TRERF1: variants seen among roughly 807,000 people sequenced by gnomAD.
The protein encoded by TRERF1 is transcriptional-regulating factor 1.
Under a neutral mutation model 122.9 loss-of-function variants are expected in TRERF1, and 27 were observed. The ratio of observed to expected loss-of-function variants is 0.22; its 90% CI spans 0.16 to 0.30. TRERF1 has a LOEUF of 0.30. Ranked by LOEUF, TRERF1 falls within the 10% of genes least tolerant of loss-of-function variation. TRERF1 has a pLI of 1.00. For missense variants in TRERF1, 1,248 were observed against 1,560.3 expected, an observed-to-expected ratio of 0.80 and a Z score of 3.37; for synonymous variants, 636 against 641.7, an observed-to-expected ratio of 0.99 and a Z score of 0.13.
Position 42,271,350 on chromosome 6 carries a change from G to A in TRERF1, c.-258-1502C>T, listed in dbSNP as rs111300230. 4.0e-3 allele frequency among the ~76,000 whole-genome samples: 609 copies of A among 152,156 alleles called. 4 individuals carry two copies. Among genetic ancestry groups the A allele is most frequent in the African/African-American group, 0.014 (575 of 41,510 alleles). ...AACTTCTCATGTACTACACCAGGGA[G>A]AACGAAAAATGGAAACACAATAAAT... On this transcript the variant is annotated intron_variant, in intron 4 of 17. Coordinates refer to ENST00000372922, the Ensembl canonical transcript of TRERF1.
chr6:42,283,111 A>G (rs9381164), intron 4 of TRERF1, among the ~76,000 whole-genome samples: 2 of 152,330 alleles, frequency 1.3e-5, no homozygotes, highest in Non-Finnish European at 2.9e-5. Flanking sequence ...GCCATTTCAA[A>G]CAGTGAAATC....
chr6:42,427,985 TATC>T (rs1378843632), intron 2 of TRERF1, among the ~76,000 whole-genome samples: 23 of 152,298 alleles, frequency 1.5e-4, no homozygotes, highest in African/African-American at 5.5e-4. Flanking sequence ...CTAAGGTAAG[TATC>T]ATGCAGCCAC....
At chr6:42,406,857 A>G (rs1469919822) in intron 2 of TRERF1, among the ~76,000 whole-genome samples, 1 of 151,970 alleles carries the variant, frequency 6.6e-6, no homozygotes, top group Non-Finnish European at 1.5e-5. Flanking sequence ...CACATTCCCT[A>G]TGGGATCCTG....
chr6:42,366,473 C>G (rs1199316159), intron 2 of TRERF1, among the ~76,000 whole-genome samples: 2 of 152,170 alleles, frequency 1.3e-5, no homozygotes, highest in Non-Finnish European at 2.9e-5. Context: ...CACCTCCTAA[C>G]ATCCACTCTA....
intron 2 of TRERF1, among the ~76,000 whole-genome samples, chr6:42,424,866 G>T (rs1202177659): frequency 3.3e-5 from 5 of 152,164 alleles, no homozygotes; most frequent in Admixed American, 3.3e-4. Context: ...AACATTTGTG[G>T]GATTATTTGA....
At chr6:42,291,691 G>A (rs1250092773) in intron 4 of TRERF1, among the ~76,000 whole-genome samples, 6 of 151,012 alleles carry the variant, frequency 4.0e-5, no homozygotes, top group Non-Finnish European at 7.4e-5. Context: ...CTGCCACCAC[G>A]CCCGGCTGTT....
At chr6:42,445,367 C>G (rs1217923599) in intron 2 of TRERF1, among the ~76,000 whole-genome samples, 7 of 151,564 alleles carry the variant, frequency 4.6e-5, no homozygotes, top group Admixed American at 1.3e-4. Flanking sequence ...CACACACACA[C>G]ACACACACAC....
At chr6:42,287,267 A>ATG (rs1384645679) in intron 4 of TRERF1, among the ~76,000 whole-genome samples, 2 of 150,564 alleles carry the variant, frequency 1.3e-5, no homozygotes, top group Admixed American at 1.3e-4. Context: ...CAATGTGCAC[A>ATG]TGTACCCTAA....
chr6:42,300,050 G>A (rs562973942), intron 4 of TRERF1, among the ~76,000 whole-genome samples: 5 of 152,340 alleles, frequency 3.3e-5, no homozygotes, highest in African/African-American at 9.6e-5. Flanking sequence ...AAAGAAAGAC[G>A]GAGTCATGAC....
chr6:42,355,819 G>T (rs1313090698), intron 3 of TRERF1, among the ~76,000 whole-genome samples: 9 of 152,232 alleles, frequency 5.9e-5, no homozygotes, highest in Non-Finnish European at 2.9e-5. Flanking sequence ...TGAAAAGGGA[G>T]TAAATGCCCA....
chr6:42,293,373 C>G (rs1784598790), intron 4 of TRERF1, among the ~76,000 whole-genome samples: 1 of 152,250 alleles, frequency 6.6e-6, no homozygotes, highest in African/African-American at 2.4e-5. Context: ...AGATGAGAAC[C>G]AAAGGCGCCC....
In TRERF1 at chr6:42,269,586, C is replaced by T; in HGVS notation, c.5G>A (p.Gly2Asp). 1 of 1,612,812 alleles carries T rather than the reference C, an allele frequency of 6.2e-7. No individual in the cohort carries two copies. Among genetic ancestry groups the T allele is most frequent in the Non-Finnish European group, 8.5e-7 (1 of 1,179,004 alleles). ...GTTGGTCTTGTACAGTTGCTGGTCA[C>T]CCATGCTGTCTGCCTTGGTTGTGAA... Residue 2 changes from glycine (G) to aspartate (D), a missense_variant, in exon 5 of 18, where the codon GGT (glycine) becomes GAT (aspartate). By Grantham distance (94) the Gly-to-Asp change is moderately conservative. Around this residue, in one of 5 missense-constraint regions of TRERF1, gnomAD observed 946 missense variants for 1,073.0 expected, o/e 0.88. Coordinates refer to ENST00000372922, the Ensembl canonical transcript of TRERF1. This position sits in a 1 kb window ranked among gnomAD's most constrained non-coding sequence, Gnocchi z 4.9.
exon 18 of TRERF1, chr6:42,226,120 AAGG>A (rs1386540129): frequency 2.0e-5 from 3 of 152,238 alleles, no homozygotes; most frequent in Admixed American, 6.5e-5. Flanking sequence ...CTGTCTCGTT[AAGG>A]AGGAGTTCTT....
At chr6:42,445,309 T>C (rs1582284487) in intron 2 of TRERF1, among the ~76,000 whole-genome samples, 1 of 148,974 alleles carries the variant, frequency 6.7e-6, no homozygotes, top group African/African-American at 2.5e-5. Context: ...AATCCAATGG[T>C]GATTTTTCTG....
chr6:42,389,256 CCTAT>C (rs1233370853), intron 2 of TRERF1, among the ~76,000 whole-genome samples: 3 of 152,184 alleles, frequency 2.0e-5, no homozygotes, highest in Non-Finnish European at 4.4e-5. Flanking sequence ...GGCCAGTCTG[CCTAT>C]CTATCAGCAA....
exon 10 of TRERF1, chr6:42,258,198 C>T: frequency 6.2e-6 from 10 of 1,614,148 alleles, no homozygotes; most frequent in Non-Finnish European, 5.1e-6. Flanking sequence ...GCCATCGATG[C>T]TGTCTAAAAC....
intron 3 of TRERF1, among the ~76,000 whole-genome samples, chr6:42,311,817 G>A (rs1761717963): frequency 6.6e-6 from 1 of 151,300 alleles, no homozygotes; most frequent in Admixed American, 6.6e-5. Context: ...GTGAGCAGAG[G>A]AGAGATGGGG....
At chr6:42,350,974 C>T (rs1378612290) in intron 3 of TRERF1, among the ~76,000 whole-genome samples, 2 of 151,904 alleles carry the variant, frequency 1.3e-5, no homozygotes, top group Non-Finnish European at 2.9e-5. Flanking sequence ...CTCTCTCTCT[C>T]ACTCTCTCCC....
At chr6:42,303,666 C>A (rs1334300224) in intron 3 of TRERF1, among the ~76,000 whole-genome samples, 2 of 152,102 alleles carry the variant, frequency 1.3e-5, no homozygotes, top group East Asian at 3.8e-4. Context: ...GTAATCCCAG[C>A]ATTTTGGGAG....
Sources: gnomAD v4.1 joint callset for allele counts (sites outside exome capture counted in the v4.1 genomes callset) on GRCh38, gnomAD v4.1.1 for gene constraint, gnomAD v4.1.1 regional missense constraint, Gnocchi (gnomAD v3.1) non-coding constraint, MANE v1.5 for transcripts, NCBI Gene and HGNC (gene_info 2026-07-23, HGNC 2026-07-21) for gene names.